The following DOCK3 variants were observed in gnomAD, a reference collection of about 807,000 sequenced individuals.
DOCK3 encodes the protein dedicator of cytokinesis 3.
DOCK3 carries 60 observed loss-of-function variants against 265.6 expected under a neutral mutation model. The observed-to-expected ratio is 0.23, with a 90% CI of 0.18 to 0.28. DOCK3 has a LOEUF of 0.28. Ranked by LOEUF, DOCK3 falls within the 10% of genes least tolerant of loss-of-function variation. DOCK3 has a pLI of 1.00. For synonymous variants in DOCK3, 881 were observed against 938.0 expected (o/e 0.94, Z 1.11); for missense variants, 1,981 against 2,594.3 (o/e 0.76, Z 5.14).
At chr3:50,983,146 T>C (rs1448362043) in intron 5 of DOCK3, among the ~76,000 whole-genome samples, 2 of 151,934 alleles carry the variant, frequency 1.3e-5, no homozygotes, top group African/African-American at 2.4e-5. Flanking sequence ...CTCTGGACTT[T>C]GGGTGCCCCC....
chr3:51,284,467 T>G (rs2081302048), intron 27 of DOCK3, among the ~76,000 whole-genome samples: 1 of 152,050 alleles, frequency 6.6e-6, no homozygotes, highest in South Asian at 2.1e-4. Context: ...TTTATTAATC[T>G]CCCTAGATCA....
chr3:50,750,066 G>C (rs2039691894), intron 1 of DOCK3, among the ~76,000 whole-genome samples: 1 of 152,170 alleles, frequency 6.6e-6, no homozygotes, highest in African/African-American at 2.4e-5. Flanking sequence ...TCCGCCTCCT[G>C]TCAGATCAGC....
rs963967732 is a variant in DOCK3, at chr3:50,692,313, G to A, written c.37+17013G>A. The stretch of plus-strand genomic sequence containing the variant: ...TTTGGCACCAGGGACTGGTTTCGTG[G>A]AAGACAATTTTTCCATGGACCGCAG... On this transcript the variant is annotated intron_variant, in intron 1 of 52. Coordinates refer to ENST00000266037, the MANE Select transcript of DOCK3 (RefSeq NM_004947.5). Among the ~76,000 whole-genome samples, 58 of 152,132 alleles carry A rather than the reference G, an allele frequency of 3.8e-4. 2 individuals carry two copies. Among genetic ancestry groups the A allele is most frequent in the Admixed American group, 3.8e-3 (58 of 15,274 alleles).
intron 3 of DOCK3, chr3:50,877,238 G>C (rs1222958754): frequency 1.2e-5 from 4 of 328,624 alleles, no homozygotes; most frequent in African/African-American, 4.4e-5. Context: ...ATCTTACGGA[G>C]CCTTCTTAAC....
intron 5 of DOCK3, among the ~76,000 whole-genome samples, chr3:50,969,102 A>G (rs779281361): frequency 5.9e-5 from 9 of 151,994 alleles, no homozygotes; most frequent in Non-Finnish European, 1.3e-4. Context: ...TTGTTATTCT[A>G]TTGCTGTCTG....
intron 5 of DOCK3, among the ~76,000 whole-genome samples, chr3:51,053,426 ATTT>A (rs563130234): frequency 3.0e-5 from 4 of 132,386 alleles, no homozygotes; most frequent in African/African-American, 5.6e-5. Context: ...TTGTATCACT[ATTT>A]TTTTTTTTTT....
chr3:50,937,708 A>G (rs1423735569), intron 5 of DOCK3, among the ~76,000 whole-genome samples: 1 of 152,204 alleles, frequency 6.6e-6, no homozygotes, highest in Non-Finnish European at 1.5e-5. Flanking sequence ...CTGAGCAGCT[A>G]CATATGTATA....
At chr3:50,836,567 G>A (rs911077566) in intron 2 of DOCK3, among the ~76,000 whole-genome samples, 2 of 152,146 alleles carry the variant, frequency 1.3e-5, no homozygotes, top group African/African-American at 4.8e-5. Flanking sequence ...CAGCAGTGGG[G>A]CCCTGGACCT....
At chr3:51,159,585 T>G (rs2086033626) in intron 11 of DOCK3, among the ~76,000 whole-genome samples, 1 of 152,186 alleles carries the variant, frequency 6.6e-6, no homozygotes, top group African/African-American at 2.4e-5. Context: ...AATGGTCTAC[T>G]TCTAGACATT....
rs542065260 is a variant in DOCK3, at chr3:50,980,135, A to G, written c.315+46058A>G. ...CATTATTTTGAGATATGTTCCTTCA[A>G]TGCGTAATTTGTTGAGGGTTTTTGT... On this transcript the variant is annotated intron_variant, in intron 5 of 52. Coordinates refer to ENST00000266037, the MANE Select transcript of DOCK3 (RefSeq NM_004947.5). Among the ~76,000 whole-genome samples the G allele has an allele frequency of 4.6e-5, 7 of 152,232 alleles. No individual in the cohort carries two copies. In the East Asian group the frequency reaches 5.8e-4, roughly 13 times the overall value.
At chr3:50,834,068 C>G (rs2045359161) in intron 2 of DOCK3, among the ~76,000 whole-genome samples, 1 of 151,792 alleles carries the variant, frequency 6.6e-6, no homozygotes, top group African/African-American at 2.4e-5. Flanking sequence ...TTAATCCATG[C>G]AGTTAACTCC....
At chr3:51,088,891 C>G (rs1449353385) in intron 7 of DOCK3, among the ~76,000 whole-genome samples, 1 of 152,160 alleles carries the variant, frequency 6.6e-6, no homozygotes, top group Non-Finnish European at 1.5e-5. Flanking sequence ...TCTGAAGAAG[C>G]TGGATCAGGC....
intron 2 of DOCK3, among the ~76,000 whole-genome samples, chr3:50,796,134 G>A (rs1056938670): frequency 6.6e-5 from 10 of 151,078 alleles, no homozygotes; most frequent in Admixed American, 1.3e-4. Flanking sequence ...TCCGCCTCCT[G>A]GGTTCACGCC....
chr3:51,226,416 C>T (rs1023249378), intron 15 of DOCK3, among the ~76,000 whole-genome samples: 4 of 152,196 alleles, frequency 2.6e-5, no homozygotes, highest in Admixed American at 1.3e-4. Flanking sequence ...TTGTACGAAC[C>T]TTGCTTCTGT....
intron 5 of DOCK3, 72 bp downstream of exon 5, chr3:50,934,149 A>G: frequency 9.7e-7 from 1 of 1,030,918 alleles, no homozygotes; most frequent in Non-Finnish European, 1.4e-6. Context: ...AAACTATGCT[A>G]AGTATGCATT....
intron 2 of DOCK3, among the ~76,000 whole-genome samples, chr3:50,808,761 C>T (rs1198873168): frequency 5.9e-5 from 9 of 152,212 alleles, no homozygotes; most frequent in Non-Finnish European, 1.2e-4. Context: ...TGCTTGTCCA[C>T]TCCGTGGAGA....
chr3:51,060,608 A>G (rs1049789979), intron 5 of DOCK3, among the ~76,000 whole-genome samples: 5 of 152,180 alleles, frequency 3.3e-5, no homozygotes, highest in African/African-American at 1.2e-4. Flanking sequence ...AGCTTTCTAC[A>G]TATTGCTAGC....
chr3:51,068,560 A>AAAAAAAAAAAAAAAAAAAAAAAGAAG (rs529031027), intron 6 of DOCK3, among the ~76,000 whole-genome samples: 1 of 82,418 alleles, frequency 1.2e-5, no homozygotes, highest in Non-Finnish European at 2.2e-5. Context: ...AAAAAAAAAA[A>AAAAAAAAAAAAAAAAAAAAAAAGAAG]AAGAAGAAGA....
intron 1 of DOCK3, among the ~76,000 whole-genome samples, chr3:50,697,893 A>T (rs1162663641): frequency 6.6e-6 from 1 of 152,110 alleles, no homozygotes; most frequent in Non-Finnish European, 1.5e-5. Flanking sequence ...AGTCTGTGCT[A>T]TTTTAATTTT....
Sources: gnomAD v4.1 joint callset for allele counts (sites outside exome capture counted in the v4.1 genomes callset) on GRCh38, gnomAD v4.1.1 for gene constraint, MANE v1.5 for transcripts, NCBI Gene and HGNC (gene_info 2026-07-23, HGNC 2026-07-21) for gene names.